Variants in LNX1 observed in about 807,000 individuals in gnomAD.
LNX1 encodes the protein E3 ubiquitin-protein ligase LNX.
LNX1 carries 54 observed loss-of-function variants against 68.4 expected under a neutral mutation model. The observed-to-expected ratio is 0.79, with a 90% CI of 0.63 to 0.99. The LOEUF is 0.99. Ranked by LOEUF, LNX1 falls within the 50% of genes least tolerant of loss-of-function variation. The pLI, the probability that LNX1 is intolerant of heterozygous loss-of-function variation, is 0.00. For synonymous variants in LNX1, 336 were observed against 350.0 expected (o/e 0.96, Z 0.45); for missense variants, 906 against 926.4 (o/e 0.98, Z 0.29).
At chr4:53,649,372 A>T (rs1473294842) in intron 1 of LNX1, among the ~76,000 whole-genome samples, 3 of 152,242 alleles carry the variant, frequency 2.0e-5, no homozygotes, top group Non-Finnish European at 4.4e-5. Flanking sequence ...CTAGTTTTAC[A>T]GTGAAGGAAA....
intron 2 of LNX1, among the ~76,000 whole-genome samples, chr4:53,520,182 G>T (rs1216335967): frequency 6.6e-6 from 1 of 152,170 alleles, no homozygotes; most frequent in Non-Finnish European, 1.5e-5. Context: ...GCTGCTGAAG[G>T]CACAGCCTCT....
intron 1 of LNX1, among the ~76,000 whole-genome samples, chr4:53,643,619 T>C (rs1734771585): frequency 6.6e-6 from 1 of 152,164 alleles, no homozygotes; most frequent in South Asian, 2.1e-4. Flanking sequence ...GCCCAAGACC[T>C]CTCGCCCTCT....
chr4:53,548,611 T>C (rs1246631879), intron 2 of LNX1, among the ~76,000 whole-genome samples: 4 of 152,196 alleles, frequency 2.6e-5, no homozygotes, highest in Non-Finnish European at 4.4e-5. Flanking sequence ...TGGAAAGCAG[T>C]ATGGCAATTC....
upstream of LNX1, among the ~76,000 whole-genome samples, chr4:53,618,850 T>TTGGTC (rs1361771621): frequency 6.6e-6 from 1 of 152,202 alleles, no homozygotes; most frequent in African/African-American, 2.4e-5. Context: ...TAAAAAAAAT[T>TTGGTC]TGGTCTGATT....
chr4:53,644,883 G>A (rs1254911437), intron 1 of LNX1, among the ~76,000 whole-genome samples: 1 of 152,182 alleles, frequency 6.6e-6, no homozygotes, highest in East Asian at 1.9e-4. Context: ...ACAGGGAGGA[G>A]GAAGTCTGGG....
At chr4:53,588,527 G>A (rs1732310553) in intron 1 of LNX1, among the ~76,000 whole-genome samples, 1 of 152,086 alleles carries the variant, frequency 6.6e-6, no homozygotes, top group Non-Finnish European at 1.5e-5. Flanking sequence ...CAGTAGCATT[G>A]CCCCACCTAG....
At chr4:53,637,501 A>C (rs1734525503) in intron 1 of LNX1, among the ~76,000 whole-genome samples, 1 of 152,126 alleles carries the variant, frequency 6.6e-6, no homozygotes, top group African/African-American at 2.4e-5. Flanking sequence ...TTTGCACTAC[A>C]CCTGTCATTT....
At chr4:53,462,419 C>A (rs1398433761) in intron 9 of LNX1, among the ~76,000 whole-genome samples, 2 of 151,994 alleles carry the variant, frequency 1.3e-5, no homozygotes, top group Admixed American at 6.6e-5. Context: ...TCCAGGATGA[C>A]GTTGTTGACC....
intron 1 of LNX1, among the ~76,000 whole-genome samples, chr4:53,633,424 A>G (rs367812617): frequency 7.9e-5 from 12 of 151,884 alleles, no homozygotes; most frequent in Admixed American, 4.6e-4. Flanking sequence ...TCTTCATCTC[A>G]TTTTTTACAG....
rs540053203 is a variant in LNX1, at chr4:53,552,356, C to T, written c.380+21267G>A. Among the ~76,000 whole-genome samples, 7 of 152,202 alleles carry T rather than the reference C, an allele frequency of 4.6e-5. No individual in the cohort carries two copies. In the South Asian group the frequency reaches 6.2e-4, roughly 14 times the overall value. On this transcript the variant is annotated intron_variant, in intron 2 of 10. Coordinates refer to ENST00000263925, the MANE Select transcript of LNX1 (RefSeq NM_001126328.3). The stretch of plus-strand genomic sequence containing the variant: ...TCACACCATCAGAATATGGCACAAA[C>T]GTGAGAATAATTTTCAAGGATGATA...
chr4:53,491,788 G>A (rs1021448886), intron 6 of LNX1, among the ~76,000 whole-genome samples: 5 of 141,378 alleles, frequency 3.5e-5, no homozygotes, highest in African/African-American at 5.1e-5. Context: ...CTGAGGATAC[G>A]ATACTTTTTT....
At chr4:53,494,395 A>G (rs191179744) in intron 6 of LNX1, among the ~76,000 whole-genome samples, 4 of 152,298 alleles carry the variant, frequency 2.6e-5, no homozygotes, top group African/African-American at 9.6e-5. Flanking sequence ...TATCAGCAGC[A>G]AGAGAATGGA....
Position 53,632,118 on chromosome 4 carries a change from C to CT in LNX1, c.-215+20049dup, listed in dbSNP as rs551224623. On this transcript the variant is annotated intron_variant, in intron 1 of 2. Transcript: ENST00000507168. The stretch of plus-strand genomic sequence containing the variant: ...GAGCAGAATGGTACCAAGGGCAGAC[C>CT]TAGGGCTGCATTATGAGGAGACCTC... Among the ~76,000 whole-genome samples, 752 of 152,188 alleles carry CT rather than the reference C, an allele frequency of 4.9e-3. 3 individuals are homozygous for CT. Among genetic ancestry groups the CT allele is most frequent in the Non-Finnish European group, 8.6e-3 (587 of 68,002 alleles).
At chr4:53,571,292 T>A (rs1731149665) in intron 2 of LNX1, among the ~76,000 whole-genome samples, 1 of 152,056 alleles carries the variant, frequency 6.6e-6, no homozygotes, top group South Asian at 2.1e-4. Flanking sequence ...GTGCTGGGAT[T>A]ACAGGTGTGA....
At chr4:53,649,358 A>G (rs903539192) in intron 1 of LNX1, among the ~76,000 whole-genome samples, 1 of 152,208 alleles carries the variant, frequency 6.6e-6, no homozygotes, top group African/African-American at 2.4e-5. Context: ...TACTATTACA[A>G]TCTCTAGTTT....
At chr4:53,610,402 C>G (rs1367916181) in intron 2 of LNX1, among the ~76,000 whole-genome samples, 2 of 152,048 alleles carry the variant, frequency 1.3e-5, no homozygotes, top group Non-Finnish European at 2.9e-5. Flanking sequence ...TCTGTGAAAA[C>G]TATATATGAA....
intron 2 of LNX1, among the ~76,000 whole-genome samples, chr4:53,568,735 G>GA (rs1233587702): frequency 2.0e-5 from 3 of 152,000 alleles, no homozygotes; most frequent in Non-Finnish European, 2.9e-5. Context: ...CCTGTTTGCA[G>GA]ATGACATGAT....
At chr4:53,490,497 G>A (rs372531647) in intron 6 of LNX1, among the ~76,000 whole-genome samples, 3 of 151,328 alleles carry the variant, frequency 2.0e-5, no homozygotes, top group African/African-American at 7.2e-5. Flanking sequence ...TCTTAAAAGG[G>A]CCTGGCAAAC....
Position 53,461,010 on chromosome 4 carries a change from C to G in LNX1, c.2084G>C (p.Arg695Thr). Residue 695 changes from arginine to threonine, a missense_variant, in exon 11 of 11, where the codon AGA becomes ACA. Physicochemically the swap from Arg to Thr is moderately conservative, Grantham distance 71 (BLOSUM62 -1). Coordinates refer to ENST00000263925, the MANE Select transcript of LNX1 (RefSeq NM_001126328.3). ...CGDILLAVNGRSTSGMIHACL... is the reference protein window; with the variant it reads ...CGDILLAVNGTSTSGMIHACL... ...AGCATGTATCATTCCTGATGTACTT[C>G]TACCATTGACAGCAAGAAGAATATC... 6.3e-7 allele frequency: 1 copy of G among 1,586,304 alleles called. No homozygotes were observed. Among genetic ancestry groups the G allele is most frequent in the Non-Finnish European group, 8.6e-7 (1 of 1,169,440 alleles).
Sources: allele counts gnomAD v4.1 joint callset (sites outside exome capture counted in the v4.1 genomes callset), GRCh38; gene constraint gnomAD v4.1.1; transcripts MANE v1.5; gene names NCBI Gene and HGNC (gene_info 2026-07-23, HGNC 2026-07-21).